Variants in NYAP2 observed in about 807,000 individuals in gnomAD.
The protein encoded by NYAP2 is neuronal tyrosine-phosphorylated phosphoinositide-3-kinase adapter 2.
In NYAP2, 23 loss-of-function variants were observed where a neutral mutation model predicts 50.4. The observed-to-expected ratio is 0.46, with a 90% confidence interval of 0.33 to 0.65. The LOEUF (loss-of-function observed/expected upper bound fraction) is 0.65. Among genes scored for constraint, NYAP2 ranks in the 30% least tolerant of loss-of-function variants. The pLI is 0.02. For missense variants in NYAP2, 885 were observed against 861.0 expected (o/e 1.03, Z -0.35); for synonymous variants, 394 against 365.2 (o/e 1.08, Z -0.90).
chr2:225,584,568 A>G (rs1692358544), intron 5 of NYAP2, among the ~76,000 whole-genome samples: 1 of 152,248 alleles, frequency 6.6e-6, no homozygotes, highest in African/African-American at 2.4e-5. Context: ...TTATTTATCT[A>G]TTCATACACT....
intron 3 of NYAP2, among the ~76,000 whole-genome samples, chr2:225,493,541 T>C (rs955733023): frequency 2.0e-5 from 3 of 152,212 alleles, no homozygotes; most frequent in African/African-American, 7.2e-5. Context: ...TTTTTCTGAC[T>C]GGAGATTTAC....
chr2:225,472,637 A>G (rs1174270740), intron 3 of NYAP2, among the ~76,000 whole-genome samples: 1 of 152,224 alleles, frequency 6.6e-6, no homozygotes, highest in East Asian at 1.9e-4. Context: ...TAAAAATCAT[A>G]GGAAGTTCAT....
At chr2:225,605,079 C>T (rs1408917594) in intron 5 of NYAP2, among the ~76,000 whole-genome samples, 1 of 152,056 alleles carries the variant, frequency 6.6e-6, no homozygotes, top group East Asian at 1.9e-4. Context: ...GCTTCAGAAA[C>T]ATTCATGAAT....
At chr2:225,542,674 G>T (rs1162620530) in intron 4 of NYAP2, among the ~76,000 whole-genome samples, 3 of 152,188 alleles carry the variant, frequency 2.0e-5, no homozygotes, top group Middle Eastern at 3.4e-3. Context: ...CAGTTTGCTA[G>T]TATTTTGTTG....
intron 4 of NYAP2, among the ~76,000 whole-genome samples, chr2:225,521,765 GTA>G (rs1430154887): frequency 6.6e-6 from 1 of 151,982 alleles, no homozygotes; most frequent in Non-Finnish European, 1.5e-5. Context: ...CTTGGCTTTG[GTA>G]TCAGGATGAT....
At chr2:225,678,895 C>A in the NYAP2 span, among the ~76,000 whole-genome samples, 1 of 152,112 alleles carries the variant, frequency 6.6e-6, no homozygotes, top group East Asian at 1.9e-4. Context: ...GGTGCCTTAT[C>A]TGAAAAATAG....
At chr2:225,571,279 C>T (rs1349019947) in intron 4 of NYAP2, among the ~76,000 whole-genome samples, 1 of 152,204 alleles carries the variant, frequency 6.6e-6, no homozygotes, top group Non-Finnish European at 1.5e-5. Context: ...GACGGTGGCC[C>T]TCTTCTCACA....
intron 4 of NYAP2, among the ~76,000 whole-genome samples, chr2:225,536,286 T>TCTCAGCCTATGCCATTCC: frequency 6.6e-6 from 1 of 152,318 alleles, no homozygotes; most frequent in South Asian, 2.1e-4. Context: ...AGCACAGTGC[T>TCTCAGCCTATGCCATTCC]CTCAGCCTAT....
At position 225,517,427 on chromosome 2, in the gene NYAP2, G is replaced by A. The variant is rs532474496; in HGVS notation, c.523+3755G>A. Among the ~76,000 whole-genome samples the A allele has an allele frequency of 8.5e-5, 13 of 152,240 alleles. No homozygotes were observed. In the East Asian group the frequency reaches 1.5e-3, roughly 18 times the overall value. ...CCATTCCTCAGGTAAACACATAGCC[G>A]ATTCCTCAATAATGTCATTGTTAGA... On this transcript the variant is annotated intron_variant, in intron 4 of 6. Transcript: ENST00000636099.
exon 7 of NYAP2, chr2:225,652,350 G>T (rs1171459650): frequency 6.6e-6 from 1 of 152,088 alleles, no homozygotes; most frequent in Non-Finnish European, 1.5e-5. Context: ...GTTCATGCAT[G>T]GTAAATGAGA....
intron 3 of NYAP2, among the ~76,000 whole-genome samples, chr2:225,430,181 T>C (rs1367166701): frequency 6.6e-6 from 1 of 152,194 alleles, no homozygotes; most frequent in Non-Finnish European, 1.5e-5. Flanking sequence ...TTTGCCAACT[T>C]AGATTTTCTC....
At chr2:225,550,135 G>A (rs145015490) in intron 4 of NYAP2, among the ~76,000 whole-genome samples, 25 of 152,238 alleles carry the variant, frequency 1.6e-4, no homozygotes, top group Admixed American at 3.9e-4. Flanking sequence ...AAAACACAAA[G>A]TATTTTAAAA....
At chr2:225,413,775 T>G (rs1695083787) in intron 3 of NYAP2, among the ~76,000 whole-genome samples, 1 of 152,222 alleles carries the variant, frequency 6.6e-6, no homozygotes, top group African/African-American at 2.4e-5. Context: ...CATAGTCTAA[T>G]TACTTAAAAT....
At chr2:225,425,867 A>C (rs1187117460) in intron 3 of NYAP2, among the ~76,000 whole-genome samples, 1 of 152,200 alleles carries the variant, frequency 6.6e-6, no homozygotes. Flanking sequence ...CATACATGTC[A>C]TATAAGTGTA....
At chr2:225,516,664 G>T (rs1690940590) in intron 4 of NYAP2, among the ~76,000 whole-genome samples, 1 of 152,206 alleles carries the variant, frequency 6.6e-6, no homozygotes, top group South Asian at 2.1e-4. Context: ...TCAGGGATAG[G>T]AGAAAACTCT....
intron 5 of NYAP2, among the ~76,000 whole-genome samples, chr2:225,618,797 A>G (rs942550925): frequency 6.6e-6 from 1 of 152,226 alleles, no homozygotes; most frequent in African/African-American, 2.4e-5. Flanking sequence ...GGCCTTGGGG[A>G]ATCAGGAAGT....
chr2:225,487,323 G>A (rs747184949), intron 3 of NYAP2, among the ~76,000 whole-genome samples: 4 of 151,902 alleles, frequency 2.6e-5, no homozygotes, highest in Non-Finnish European at 5.9e-5. Context: ...CCGTAGCCTC[G>A]AGCCTCCTTT....
intron 3 of NYAP2, among the ~76,000 whole-genome samples, chr2:225,414,633 G>T (rs189530778): frequency 3.9e-4 from 60 of 152,128 alleles, no homozygotes; most frequent in Admixed American, 3.5e-3. Flanking sequence ...ACAGAGTCCG[G>T]CCACAAACAT....
At chr2:225,453,847 T>C (rs1298844298) in intron 3 of NYAP2, among the ~76,000 whole-genome samples, 1 of 150,758 alleles carries the variant, frequency 6.6e-6, no homozygotes, top group Non-Finnish European at 1.5e-5. Flanking sequence ...TTTTTTTTTT[T>C]TTTTTTTTTA....
Sources: gnomAD v4.1 joint callset for allele counts (sites outside exome capture counted in the v4.1 genomes callset) on GRCh38, gnomAD v4.1.1 for gene constraint, MANE v1.5 for transcripts, NCBI Gene and HGNC (gene_info 2026-07-23, HGNC 2026-07-21) for gene names.